Variants in WDR93 observed in about 807,000 individuals in gnomAD.
The protein encoded by WDR93 is WD repeat domain 93, also known as WD repeat-containing protein 93.
WDR93 carries 73 observed loss-of-function variants against 82.9 expected under a neutral mutation model. The ratio of observed to expected loss-of-function variants is 0.88; its 90% CI spans 0.73 to 1.07. The LOEUF (loss-of-function observed/expected upper bound fraction) is 1.07, where lower values mean the gene tolerates loss of function less well. WDR93 is among the 50% of genes least tolerant of loss of function. The pLI is 0.00. For missense variants in WDR93, 738 were observed against 826.0 expected (o/e 0.89, Z 1.31); for synonymous variants, 283 against 300.1 (o/e 0.94, Z 0.59).
At position 89,701,913 on chromosome 15, in the gene WDR93, CT is replaced by C; in HGVS notation, c.169del (p.Tyr57IlefsTer3). ...PDEELDSLPQ[P>X]YRMINKLVNL... ...GAGGAGCTGGATTCCTTGCCTCAGC[CT>C]TATCGAATGATCAACAAGCTGGTGA... On this transcript the variant is annotated frameshift_variant, in exon 2 of 17. Transcript: ENST00000268130. LOFTEE classifies it high-confidence loss of function. 1 of 1,614,186 alleles carries C rather than the reference CT, an allele frequency of 6.2e-7. No homozygotes were observed. Among genetic ancestry groups the C allele is most frequent in the South Asian group, 1.1e-5 (1 of 91,080 alleles).
At chr15:89,708,671 AC>A (rs1965828699) in intron 4 of WDR93, among the ~76,000 whole-genome samples, 1 of 152,200 alleles carries the variant, frequency 6.6e-6, no homozygotes, top group Admixed American at 6.5e-5. Context: ...TAAAAGAATA[AC>A]CCCAGGAAGT....
At position 89,716,956 on chromosome 15, in the gene WDR93, A is replaced by C. The variant is rs1404242236; in HGVS notation, c.795+7A>C. The C allele has an allele frequency of 6.6e-7, 1 of 1,519,698 alleles. No individual in the cohort carries two copies. Among genetic ancestry groups the C allele is most frequent in the African/African-American group, 1.4e-5 (1 of 70,496 alleles). The allele number at this position is 1,519,698 out of a possible 1,614,324, so 94.1% of individuals were successfully genotyped here. A position where few individuals can be genotyped will look rare whatever the true frequency, so the allele number is the denominator to read the frequency against. On this transcript the variant is annotated splice_region_variant and intron_variant, in intron 7 of 16. Coordinates refer to ENST00000268130, the MANE Select transcript of WDR93 (RefSeq NM_020212.2). ...TGCAGATCCTTTAGAAATGGTAAGA[A>C]ACTTTAAAGAAAATCTCCAGAGAGA... is the stretch of plus-strand genomic sequence containing the variant.
chr15:89,731,813 T>G (rs1394036926), intron 12 of WDR93, among the ~76,000 whole-genome samples: 1 of 152,218 alleles, frequency 6.6e-6, no homozygotes, highest in Non-Finnish European at 1.5e-5. Context: ...TGTACTAGGC[T>G]CTGGAAGTAT....
intron 4 of WDR93, among the ~76,000 whole-genome samples, chr15:89,709,830 A>G (rs576842700): frequency 6.6e-5 from 10 of 151,860 alleles, no homozygotes; most frequent in Admixed American, 4.6e-4. Flanking sequence ...AAAGATTTGT[A>G]CAAGATGTTC....
rs1272634498 is a variant in WDR93, at chr15:89,731,424, G to A, written c.1211-19G>A. ...TGCAGAGTCTGGGGGAACCGGTTGA[G>A]TATTGTCCTTCCCCCTAGACCCCGA... On this transcript the variant is annotated intron_variant, in intron 11 of 16. Coordinates refer to ENST00000268130, the MANE Select transcript of WDR93 (RefSeq NM_020212.2). The A allele has an allele frequency of 6.2e-7, 1 of 1,613,836 alleles. No individual in the cohort carries two copies. The highest frequency in any genetic ancestry group is 8.5e-7 in the Non-Finnish European group (1 of 1,179,870).
intron 11 of WDR93, among the ~76,000 whole-genome samples, chr15:89,731,108 A>G (rs1966855006): frequency 6.6e-6 from 1 of 152,176 alleles, no homozygotes; most frequent in African/African-American, 2.4e-5. Flanking sequence ...TGCCTCATCT[A>G]TAAAATGGGG....
chr15:89,693,545 T>G (rs1965006787), intron 1 of WDR93, among the ~76,000 whole-genome samples: 1 of 152,200 alleles, frequency 6.6e-6, no homozygotes, highest in Admixed American at 6.6e-5. Context: ...AACCTACCCC[T>G]AAAAGTCTGA....
chr15:89,707,152 T>C (rs1221989620), intron 4 of WDR93, among the ~76,000 whole-genome samples: 1 of 152,054 alleles, frequency 6.6e-6, no homozygotes, highest in African/African-American at 2.4e-5. Context: ...AGAAGATGTA[T>C]GGAAGGCAAA....
intron 5 of WDR93, among the ~76,000 whole-genome samples, chr15:89,712,982 G>C (rs1025798239): frequency 2.6e-5 from 4 of 152,110 alleles, no homozygotes; most frequent in Non-Finnish European, 5.9e-5. Context: ...CAATTAGCCA[G>C]ACGTGGTGGT....
chr15:89,731,341 C>T (rs1344989639), intron 11 of WDR93, 102 bp from the exon 12 acceptor site: 2 of 1,540,720 alleles, frequency 1.3e-6, no homozygotes, highest in Non-Finnish European at 1.8e-6. Context: ...GGTTCCCATT[C>T]CCTGAACAGG....
At chr15:89,742,415 GC>G (rs150196655) in intron 16 of WDR93, among the ~76,000 whole-genome samples, 2 of 151,818 alleles carry the variant, frequency 1.3e-5, no homozygotes, top group Admixed American at 1.3e-4. Flanking sequence ...CCCACTGACA[GC>G]CCCCCCTCCA....
At chr15:89,703,292 TGGGTC>T in intron 3 of WDR93, 150 bp downstream of exon 3, 2 of 789,346 alleles carry the variant, frequency 2.5e-6, no homozygotes, top group Non-Finnish European at 4.1e-6. Flanking sequence ...ACAGGTATGG[TGGGTC>T]AGATACTGTT....
chr15:89,730,118 A>G (rs912126926), intron 11 of WDR93, among the ~76,000 whole-genome samples: 4 of 152,192 alleles, frequency 2.6e-5, no homozygotes, highest in African/African-American at 9.7e-5. Flanking sequence ...TGAGGTCAGG[A>G]GTTCAAGACC....
At chr15:89,739,182 T>C (rs1801863220) in intron 16 of WDR93, among the ~76,000 whole-genome samples, 1 of 152,134 alleles carries the variant, frequency 6.6e-6, no homozygotes, top group Non-Finnish European at 1.5e-5. Flanking sequence ...TGGCAAACTA[T>C]GACCTGTGGG....
intron 8 of WDR93, among the ~76,000 whole-genome samples, chr15:89,725,572 T>A (rs1966705697): frequency 6.7e-6 from 1 of 150,132 alleles, no homozygotes; most frequent in Non-Finnish European, 1.5e-5. Flanking sequence ...TTTCTTTTCT[T>A]TTTTTTTTCT....
chr15:89,707,370 G>A (rs758778398), intron 4 of WDR93, among the ~76,000 whole-genome samples: 1 of 152,174 alleles, frequency 6.6e-6, no homozygotes, highest in Non-Finnish European at 1.5e-5. Context: ...GGCCAACATG[G>A]TGAAACCCCA....
upstream of WDR93, chr15:89,690,654 G>T: frequency 6.5e-7 from 1 of 1,544,848 alleles, no homozygotes; most frequent in Non-Finnish European, 8.8e-7. Flanking sequence ...CAAAGGCCAC[G>T]AGTCGCACGG....
At chr15:89,731,104 A>G (rs528192166) in intron 11 of WDR93, among the ~76,000 whole-genome samples, 1 of 152,294 alleles carries the variant, frequency 6.6e-6, no homozygotes, top group East Asian at 1.9e-4. Flanking sequence ...TCTCTGCCTC[A>G]TCTATAAAAT....
At chr15:89,741,296 T>TCA (rs2141732156) in intron 16 of WDR93, among the ~76,000 whole-genome samples, 1 of 152,322 alleles carries the variant, frequency 6.6e-6, no homozygotes, top group African/African-American at 2.4e-5. Context: ...AGTGGTGCAA[T>TCA]CACAGCTCAC....
Sources: gnomAD v4.1 joint callset for allele counts (sites outside exome capture counted in the v4.1 genomes callset) on GRCh38, gnomAD v4.1.1 for gene constraint, MANE v1.5 for transcripts, NCBI Gene and HGNC (gene_info 2026-07-23, HGNC 2026-07-21) for gene names.